NDRG2: variants seen among roughly 807,000 people sequenced by gnomAD.
NDRG2 encodes protein NDRG2.
In NDRG2, 34 loss-of-function variants were observed where a neutral mutation model predicts 58.2. That is an observed-to-expected ratio of 0.58 (90% CI 0.44 to 0.78). The LOEUF (loss-of-function observed/expected upper bound fraction) is 0.78, where lower values mean the gene tolerates loss of function less well. Among genes scored for constraint, NDRG2 ranks in the 30% least tolerant of loss-of-function variants. NDRG2 has a pLI of 0.00. For missense variants in NDRG2, 434 were observed against 471.2 expected, an observed-to-expected ratio of 0.92 and a Z score of 0.73; for synonymous variants, 187 against 175.9, an observed-to-expected ratio of 1.06 and a Z score of -0.50.
At chr14:21,057,068 C>T (rs777002069) in intron 1 of NDRG2, among the ~76,000 whole-genome samples, 2 of 152,210 alleles carry the variant, frequency 1.3e-5, no homozygotes, top group African/African-American at 2.4e-5. Context: ...ACCTTAATAA[C>T]AACTCTTTCA....
chr14:21,032,370 CAGATGTGGA>C lies in NDRG2; in HGVS notation c.25-9058_25-9050del, dbSNP rs1431334652. 5 of 495,740 alleles carry C rather than the reference CAGATGTGGA, an allele frequency of 1.0e-5. No individual in the cohort carries two copies. In the African/African-American group the frequency reaches 1.2e-4, roughly 12 times the overall value. The allele number at this position is 495,740 out of a possible 1,614,324, so 30.7% of individuals were successfully genotyped here. A position where few individuals can be genotyped will look rare whatever the true frequency, so the allele number is the denominator to read the frequency against. On this transcript the variant is annotated intron_variant, in intron 1 of 14. Transcript: ENST00000403829. ...ATATATTTGGAGTAAAGAGATGAAC[CAGATGTGGA>C]GGTAAAAGTATCTACTACTTGTGTT...
chr14:21,061,689 A>AC (rs1184519183), intron 1 of NDRG2, among the ~76,000 whole-genome samples: 5 of 152,232 alleles, frequency 3.3e-5, no homozygotes, highest in African/African-American at 1.2e-4. Context: ...CATCCAGAAA[A>AC]TTTAGAATTA....
intron 1 of NDRG2, among the ~76,000 whole-genome samples, chr14:21,050,709 GT>G (rs1269727910): frequency 1.3e-5 from 2 of 152,118 alleles, no homozygotes; most frequent in African/African-American, 4.8e-5. Context: ...AATTTCATTT[GT>G]GGTAATAATA....
chr14:21,049,478 G>C (rs940625097), intron 1 of NDRG2, among the ~76,000 whole-genome samples: 1 of 152,100 alleles, frequency 6.6e-6, no homozygotes, highest in South Asian at 2.1e-4. Context: ...ATTCCTGCTT[G>C]GGTCGTGGCA....
intron 1 of NDRG2, among the ~76,000 whole-genome samples, chr14:21,053,690 G>A (rs182008148): frequency 6.6e-6 from 1 of 152,240 alleles, no homozygotes; most frequent in Non-Finnish European, 1.5e-5. Flanking sequence ...TGTAGTCCCA[G>A]CTACTCAGGA....
Position 21,019,695 on chromosome 14 carries a change from G to A in NDRG2, c.660C>T (p.Ile220=), listed in dbSNP as rs775191632. 4.3e-6 allele frequency: 7 copies of A among 1,613,922 alleles called. No individual in the cohort carries two copies. Among genetic ancestry groups the A allele is most frequent in the Non-Finnish European group, 5.9e-6 (7 of 1,179,794 alleles). The change falls in exon 10 of 16, where the codon ATC becomes ATT. Residue 220 remains isoleucine (I), a synonymous_variant. Coordinates refer to ENST00000556147, the MANE Select transcript of NDRG2 (RefSeq NM_001320329.2). ...NSELIQKYRN[I]ITHAPNLDNI... ...TATCCAGGTTGGGTGCATGTGTAAT[G>A]ATATTTCTGTACTTTTGTATCAACT...
At position 21,017,113 on chromosome 14, in the gene NDRG2, C is replaced by T. The variant is rs2138800940; in HGVS notation, c.*483G>A. On this transcript the variant is annotated 3_prime_UTR_variant, in exon 16 of 16. Transcript: ENST00000556147. ...GGACCACTAACCCACCAGCAAGTCT[C>T]CCCCTGACACACATTCACGTAGGTC... is the stretch of plus-strand genomic sequence containing the variant. The T allele has an allele frequency of 9.4e-6, 4 of 424,702 alleles. No homozygotes were observed. The Admixed American group carries it at 9.7e-5, about 10-fold the overall frequency. 26.3% of individuals were successfully genotyped at this position (424,702 alleles called of 1,614,324 possible).
chr14:21,055,565 A>G (rs887459370), intron 1 of NDRG2, among the ~76,000 whole-genome samples: 1 of 152,222 alleles, frequency 6.6e-6, no homozygotes, highest in Non-Finnish European at 1.5e-5. Flanking sequence ...CCCCATTCCC[A>G]GGCCTCCCTG....
intron 11 of NDRG2, 147 bp downstream of exon 11, chr14:21,018,969 G>T: frequency 8.1e-7 from 1 of 1,237,134 alleles, no homozygotes; most frequent in South Asian, 1.4e-5. Flanking sequence ...AAAGGGGGAA[G>T]ACCTAGAGGG....
At chr14:21,064,308 T>A (rs8011588) in intron 1 of NDRG2, among the ~76,000 whole-genome samples, 5,771 of 152,156 alleles carry the variant, frequency 0.038, 347 homozygotes, top group African/African-American at 0.13. Flanking sequence ...CCTTTTTTTT[T>A]TTATTATTTT....
chr14:21,065,235 T>A (rs1313881068), intron 1 of NDRG2, among the ~76,000 whole-genome samples: 2 of 150,696 alleles, frequency 1.3e-5, no homozygotes, highest in African/African-American at 2.5e-5. Flanking sequence ...CTTGCAAATA[T>A]CCTCCAACAG....
intron 1 of NDRG2, chr14:21,043,701 G>A (rs1885018394): frequency 6.1e-6 from 3 of 495,312 alleles, no homozygotes; most frequent in Admixed American, 3.9e-5. Context: ...GCTCAGGTCT[G>A]TGGGTTCCCT....
Position 21,017,615 on chromosome 14 carries a change from G to T in NDRG2, c.1097C>A (p.Thr366Asn). The change falls in exon 16 of 16, where the codon ACC (threonine) becomes AAC (asparagine). Residue 366 changes from threonine (T) to asparagine (N), a missense_variant. Coordinates refer to ENST00000556147, the MANE Select transcript of NDRG2 (RefSeq NM_001320329.2). Reference sequence around the variant, plus strand: ...GGCCATTCAACAGGAGACCTCCATGGTGTGCCCCGGGGGCCCCGAAGAAAG... The same window carrying T: ...GGCCATTCAACAGGAGACCTCCATGTTGTGCCCCGGGGGCCCCGAAGAAAG... ...GTLSSGPPGHTMEVSC is the reference protein window; with the variant it reads ...GTLSSGPPGHNMEVSC 1.2e-6 allele frequency: 2 copies of T among 1,613,796 alleles called. No homozygotes were observed. Among genetic ancestry groups the T allele is most frequent in the Middle Eastern group, 1.7e-4 (1 of 6,060 alleles).
At position 21,070,683 on chromosome 14, in the gene NDRG2, CCCT is replaced by C; in HGVS notation, c.24+142_24+144del. On this transcript the variant is annotated intron_variant, in intron 1 of 14. Transcript: ENST00000403829. The surrounding 1 kb of genome is among the most constrained non-coding windows in gnomAD (Gnocchi z 4.7). ...AATCCACACACCTCCCCGCTCCCCG[CCCT>C]CCTCTGTCCTGACCTGTGCCTTCCT... 1.0e-6 allele frequency: 1 copy of C among 963,980 alleles called. No individual in the cohort carries two copies. The highest frequency in any genetic ancestry group is 1.5e-6 in the Non-Finnish European group (1 of 653,428). 59.7% of individuals were successfully genotyped at this position (963,980 alleles called of 1,614,324 possible).
chr14:21,022,197 C>T lies in NDRG2; in HGVS notation c.224-15G>A. 1 of 1,614,216 alleles carries T rather than the reference C, an allele frequency of 6.2e-7. No homozygotes were observed. Among genetic ancestry groups the T allele is most frequent in the Non-Finnish European group, 8.5e-7 (1 of 1,180,044 alleles). On this transcript the variant is annotated splice_polypyrimidine_tract_variant and intron_variant, in intron 4 of 15. Transcript: ENST00000556147. Reference sequence around the variant, plus strand: ...GCAAGATTTATCTAAAGAGAACCCACATCACCTCAACAATAGAATCAGACA... The same window carrying T: ...GCAAGATTTATCTAAAGAGAACCCATATCACCTCAACAATAGAATCAGACA...
chr14:21,017,656 G>C lies in NDRG2; in HGVS notation c.1056C>G (p.Ser352Arg), dbSNP rs765329321. The stretch of plus-strand genomic sequence containing the variant: ...CCGAAGAAAGAGTTCCAGACTCGCT[G>C]CTCTGGGACAGGGTGCGAGAGCGGG... ...NRSRSRTLSQ[S>R]SESGTLSSGP... Residue 352 changes from serine (S) to arginine (R), a missense_variant, in exon 16 of 16, where the codon AGC becomes AGG. Transcript: ENST00000556147. The C allele has an allele frequency of 1.2e-6, 2 of 1,613,076 alleles. No homozygotes were observed. The highest frequency in any genetic ancestry group is 2.7e-5 in the African/African-American group (2 of 74,924).
At chr14:21,050,560 G>A (rs1885417072) in intron 1 of NDRG2, among the ~76,000 whole-genome samples, 1 of 152,230 alleles carries the variant, frequency 6.6e-6, no homozygotes, top group South Asian at 2.1e-4. Flanking sequence ...TTCCCCTGAA[G>A]TGCTAGTAAC....
chr14:21,026,412 C>T (rs1883633912), upstream of NDRG2, among the ~76,000 whole-genome samples: 1 of 151,348 alleles, frequency 6.6e-6, no homozygotes, highest in South Asian at 2.1e-4. Context: ...GGAACAATGG[C>T]CAATGGAACT....
At chr14:21,040,378 C>G (rs1409146641) in intron 1 of NDRG2, among the ~76,000 whole-genome samples, 1 of 152,188 alleles carries the variant, frequency 6.6e-6, no homozygotes, top group East Asian at 1.9e-4. Flanking sequence ...ATAATGTCCT[C>G]CTGGCCTCAA....
Sources: gnomAD v4.1 joint callset for allele counts (sites outside exome capture counted in the v4.1 genomes callset) on GRCh38, gnomAD v4.1.1 for gene constraint, Gnocchi (gnomAD v3.1) non-coding constraint, MANE v1.5 for transcripts, NCBI Gene and HGNC (gene_info 2026-07-23, HGNC 2026-07-21) for gene names.